Variants in ZBTB16 observed in about 807,000 individuals in gnomAD.
ZBTB16 encodes the protein zinc finger and BTB domain containing 16.
In ZBTB16, 8 loss-of-function variants were observed where a neutral mutation model predicts 56.8. The observed-to-expected ratio is 0.14, with a 90% CI of 0.08 to 0.25. ZBTB16 has a LOEUF of 0.25. Ranked by LOEUF, ZBTB16 falls within the 10% of genes least tolerant of loss-of-function variation. The pLI is 1.00. For synonymous variants in ZBTB16, 363 were observed against 368.5 expected (o/e 0.98, Z 0.17); for missense variants, 625 against 903.0 (o/e 0.69, Z 3.95).
Position 114,242,137 on chromosome 11 carries a change from C to T in ZBTB16, c.1454-30C>T, listed in dbSNP as rs746195305. On this transcript the variant is annotated intron_variant, in intron 4 of 6. Coordinates refer to ENST00000335953, the MANE Select transcript of ZBTB16 (RefSeq NM_006006.6). ...GAATGCACCTTGTATTCCCACCTTT[C>T]TGAGGCACCCCCTCTCCTGTCTCCC... 8 of 1,613,136 alleles carry T rather than the reference C, an allele frequency of 5.0e-6. No individual in the cohort carries two copies. The South Asian group carries it at 8.8e-5, about 18-fold the overall frequency.
chr11:114,156,230 C>T lies in ZBTB16; in HGVS notation c.1269-107C>T, dbSNP rs932310413. 140 of 1,088,338 alleles carry T rather than the reference C, an allele frequency of 1.3e-4. 1 individual carries two copies. The highest frequency in any genetic ancestry group is 4.8e-4 in the Admixed American group (25 of 52,150). The allele number at this position is 1,088,338 out of a possible 1,614,324, so 67.4% of individuals were successfully genotyped here. Reference sequence around the variant, plus strand: ...CCATCGGTGCCCTCCTGTTCCCTTCCGCCTGTCACCTGCCAGAGGGATGGC... The same window carrying T: ...CCATCGGTGCCCTCCTGTTCCCTTCTGCCTGTCACCTGCCAGAGGGATGGC... On this transcript the variant is annotated intron_variant, in intron 2 of 6. Transcript: ENST00000335953.
At chr11:114,232,410 C>T (rs374250795) in intron 4 of ZBTB16, among the ~76,000 whole-genome samples, 1 of 152,124 alleles carries the variant, frequency 6.6e-6, no homozygotes, top group Non-Finnish European at 1.5e-5. Context: ...GTAGAGAAAC[C>T]GAGGAAAACA....
chr11:114,091,150 AC>A (rs1297440805), intron 2 of ZBTB16, among the ~76,000 whole-genome samples: 2 of 152,136 alleles, frequency 1.3e-5, no homozygotes, highest in African/African-American at 2.4e-5. Context: ...GGAGTTGGAG[AC>A]CAGCTTGGGC....
intron 4 of ZBTB16, among the ~76,000 whole-genome samples, chr11:114,226,509 G>A (rs1271255132): frequency 1.3e-5 from 2 of 152,182 alleles, no homozygotes; most frequent in East Asian, 3.9e-4. Flanking sequence ...AGCTGAAAGG[G>A]GAGGTACCTA....
rs114281598 is a variant in ZBTB16 at position 114,084,684 on chromosome 11, C to T, written c.1268+20116C>T. Among the ~76,000 whole-genome samples, 1,103 of 152,260 alleles carry T rather than the reference C, an allele frequency of 7.2e-3. 16 individuals are homozygous for T. The highest frequency in any genetic ancestry group is 0.025 in the African/African-American group (1,018 of 41,546). ...CATCCCAGAGCCCTGTTCCTCCAAGCCCAGATTAGACACCCTTCTCCACGT... is the reference window on the plus strand; with the variant it reads ...CATCCCAGAGCCCTGTTCCTCCAAGTCCAGATTAGACACCCTTCTCCACGT... On this transcript the variant is annotated intron_variant, in intron 2 of 6. Coordinates refer to ENST00000335953, the MANE Select transcript of ZBTB16 (RefSeq NM_006006.6).
At chr11:114,241,400 G>T (rs571259270) in intron 4 of ZBTB16, among the ~76,000 whole-genome samples, 1 of 152,156 alleles carries the variant, frequency 6.6e-6, no homozygotes, top group Non-Finnish European at 1.5e-5. Context: ...GGAGGCGAGC[G>T]AGTGAAACTG....
chr11:114,242,801 G>A (rs1457029621), intron 5 of ZBTB16, among the ~76,000 whole-genome samples: 3 of 152,086 alleles, frequency 2.0e-5, no homozygotes, highest in African/African-American at 4.8e-5. Context: ...AGTCAGCTTC[G>A]GGCTTCTGAG....
chr11:114,162,868 C>T (rs914085943), intron 3 of ZBTB16, among the ~76,000 whole-genome samples: 4 of 152,168 alleles, frequency 2.6e-5, no homozygotes, highest in Non-Finnish European at 4.4e-5. Context: ...CTCTTGAACA[C>T]ACTTCTCTTT....
At chr11:114,164,450 C>T (rs1029347426) in intron 3 of ZBTB16, among the ~76,000 whole-genome samples, 2 of 152,184 alleles carry the variant, frequency 1.3e-5, no homozygotes, top group Admixed American at 6.5e-5. Flanking sequence ...TCCTAGTCTC[C>T]CTTTCCTCTC....
intron 2 of ZBTB16, among the ~76,000 whole-genome samples, chr11:114,148,391 C>T (rs78487708): frequency 0.028 from 1,213 of 43,196 alleles, 46 homozygotes; most frequent in African/African-American, 0.094. Flanking sequence ...CTTCCTTCCT[C>T]CTTCCCTCCC....
chr11:114,155,458 C>T (rs747838770), intron 2 of ZBTB16, among the ~76,000 whole-genome samples: 53 of 151,984 alleles, frequency 3.5e-4, no homozygotes, highest in Non-Finnish European at 6.6e-4. Context: ...GGAGAGGCCC[C>T]GGGTTGGGGG....
At chr11:114,127,815 CT>C (rs1422754775) in intron 2 of ZBTB16, among the ~76,000 whole-genome samples, 5 of 152,196 alleles carry the variant, frequency 3.3e-5, no homozygotes, top group Non-Finnish European at 1.5e-5. Context: ...GCCATATGTG[CT>C]TCCTCCACAG....
chr11:114,224,200 C>T (rs1944288859), intron 4 of ZBTB16, among the ~76,000 whole-genome samples: 1 of 152,040 alleles, frequency 6.6e-6, no homozygotes, highest in Admixed American at 6.5e-5. Context: ...ATCATTTAGG[C>T]AAAGAATATG....
chr11:114,157,365 C>T (rs940808445), intron 3 of ZBTB16, among the ~76,000 whole-genome samples: 1 of 152,356 alleles, frequency 6.6e-6, no homozygotes, highest in Admixed American at 6.5e-5. Flanking sequence ...GTTTCTGCAT[C>T]TGTCAAGTGC....
intron 2 of ZBTB16, among the ~76,000 whole-genome samples, chr11:114,125,337 A>G (rs1280861090): frequency 6.6e-6 from 1 of 152,156 alleles, no homozygotes; most frequent in Non-Finnish European, 1.5e-5. Context: ...CTGATTTTTA[A>G]TAGTTTGCCC....
chr11:114,125,616 A>G (rs1451114977), intron 2 of ZBTB16, among the ~76,000 whole-genome samples: 1 of 149,262 alleles, frequency 6.7e-6, no homozygotes, highest in Admixed American at 6.7e-5. Flanking sequence ...CACAAGGAGG[A>G]GATGGTTGCA....
chr11:114,094,683 T>A (rs1286971028), intron 2 of ZBTB16, among the ~76,000 whole-genome samples: 1 of 152,216 alleles, frequency 6.6e-6, no homozygotes, highest in Non-Finnish European at 1.5e-5. Flanking sequence ...ACCCTTGTTG[T>A]GGATGGATGT....
chr11:114,196,555 A>G (rs1943617085), intron 4 of ZBTB16, among the ~76,000 whole-genome samples: 1 of 152,154 alleles, frequency 6.6e-6, no homozygotes. Flanking sequence ...AAGGTCTGCC[A>G]GGTTAGTGAC....
intron 4 of ZBTB16, among the ~76,000 whole-genome samples, chr11:114,221,725 T>G (rs563953407): frequency 4.6e-5 from 7 of 152,322 alleles, no homozygotes; most frequent in African/African-American, 1.7e-4. Context: ...ATTTCTTGAG[T>G]GTTTCATTTC....
Sources: gnomAD v4.1 joint callset for allele counts (sites outside exome capture counted in the v4.1 genomes callset) on GRCh38, gnomAD v4.1.1 for gene constraint, MANE v1.5 for transcripts, NCBI Gene and HGNC (gene_info 2026-07-23, HGNC 2026-07-21) for gene names.